The following ERC1 variants were observed in gnomAD, a reference collection of about 807,000 sequenced individuals.
ERC1 encodes the protein ELKS/RAB6-interacting/CAST family member 1.
In ERC1, 56 loss-of-function variants were observed where a neutral mutation model predicts 132.0. The observed-to-expected ratio is 0.42, with a 90% CI of 0.34 to 0.53. The LOEUF is 0.53. Ranked by LOEUF, ERC1 falls within the 20% of genes least tolerant of loss-of-function variation. The pLI is 0.03. For synonymous variants in ERC1, 478 were observed against 476.1 expected, an observed-to-expected ratio of 1.00 and a Z score of -0.05; for missense variants, 1,202 against 1,349.9, an observed-to-expected ratio of 0.89 and a Z score of 1.72.
chr12:1,196,695 A>G (rs1305837368), intron 12 of ERC1, among the ~76,000 whole-genome samples: 2 of 150,196 alleles, frequency 1.3e-5, no homozygotes, highest in South Asian at 2.1e-4. Context: ...GTGCCTCACT[A>G]TGCTGTCTAG....
chr12:995,899 T>G (rs1340800013), intron 1 of ERC1, among the ~76,000 whole-genome samples: 1 of 151,940 alleles, frequency 6.6e-6, no homozygotes, highest in East Asian at 1.9e-4. Context: ...ATTCTAGAAG[T>G]GAAGGAAAGG....
At chr12:1,027,281 C>G (rs1486205073) in intron 1 of ERC1, 1 of 152,172 alleles carries the variant, frequency 6.6e-6, no homozygotes, top group Non-Finnish European at 1.5e-5. Context: ...ATTCTAATAA[C>G]TTGTCAGTTG....
chr12:1,451,777 C>T (rs959242049), intron 18 of ERC1, among the ~76,000 whole-genome samples: 18 of 152,104 alleles, frequency 1.2e-4, no homozygotes, highest in African/African-American at 4.1e-4. Context: ...TTGTGTCCCC[C>T]CTCCCAAAAT....
intron 13 of ERC1, among the ~76,000 whole-genome samples, chr12:1,247,926 GT>G (rs1232342504): frequency 6.6e-6 from 1 of 152,194 alleles, no homozygotes; most frequent in Non-Finnish European, 1.5e-5. Flanking sequence ...AACCTGGGAG[GT>G]GGAGGTTGCG....
At chr12:1,301,827 AAAAG>A (rs1268915430) in intron 15 of ERC1, among the ~76,000 whole-genome samples, 2 of 152,320 alleles carry the variant, frequency 1.3e-5, no homozygotes, top group Admixed American at 6.5e-5. Context: ...AAAATTAAGA[AAAAG>A]AAAGAAAAAG....
At position 1,108,864 on chromosome 12, in the gene ERC1, C is replaced by T. The variant is rs1018243862; in HGVS notation, c.1162-1328C>T. 2.4e-4 allele frequency among the ~76,000 whole-genome samples: 36 copies of T among 152,258 alleles called. No homozygotes were observed. The Middle Eastern group carries it at 0.01, about 43-fold the overall frequency. ...ACATCCTCTCCTCCCCTCCCTTGAA[C>T]CTGAAAATAGCTAGGTGTAGTTTTC... On this transcript the variant is annotated intron_variant, in intron 4 of 18. Coordinates refer to ENST00000360905, the MANE Select transcript of ERC1 (RefSeq NM_178040.4).
Position 1,184,639 on chromosome 12 carries a change from T to C in ERC1, c.2157+1218T>C, listed in dbSNP as rs147719909. Among the ~76,000 whole-genome samples the C allele has an allele frequency of 7.3e-3, 1,108 of 152,358 alleles. 19 individuals are homozygous for C. The highest frequency in any genetic ancestry group is 0.025 in the African/African-American group (1,022 of 41,576). ...TTGACCTATTTATAGCTTAAGAATG[T>C]ATATCCTGTATCTGAATATTGGCAT... On this transcript the variant is annotated intron_variant, in intron 11 of 18. Transcript: ENST00000360905.
intron 13 of ERC1, 51 bp from the exon 14 acceptor site, chr12:1,262,983 C>T (rs1402950813): frequency 6.3e-7 from 1 of 1,596,590 alleles, no homozygotes; most frequent in East Asian, 2.2e-5. Context: ...AATAGGCTCT[C>T]CCTGGGTTAA....
intron 8 of ERC1, among the ~76,000 whole-genome samples, chr12:1,144,261 T>A (rs1950124875): frequency 6.6e-6 from 1 of 152,216 alleles, no homozygotes; most frequent in Non-Finnish European, 1.5e-5. Context: ...TTTTATTATT[T>A]TTTGTTTCAG....
At chr12:1,097,011 C>T (rs1415316462) in intron 3 of ERC1, among the ~76,000 whole-genome samples, 1 of 152,218 alleles carries the variant, frequency 6.6e-6, no homozygotes, top group African/African-American at 2.4e-5. Context: ...TAGGTATCAT[C>T]CCTAAGAATT....
At chr12:1,029,830 C>T (rs1370928606) in intron 2 of ERC1, among the ~76,000 whole-genome samples, 2 of 150,860 alleles carry the variant, frequency 1.3e-5, no homozygotes, top group Non-Finnish European at 2.9e-5. Flanking sequence ...TCGCTGCAAC[C>T]TCCACCTCCC....
upstream of ERC1, chr12:991,100 T>G (rs1359824343): frequency 2.0e-5 from 3 of 150,350 alleles, no homozygotes; most frequent in African/African-American, 7.3e-5. Flanking sequence ...CGCGTCACGC[T>G]CCCGGGAGGC....
intron 13 of ERC1, among the ~76,000 whole-genome samples, chr12:1,240,985 A>G (rs2075751454): frequency 6.6e-6 from 1 of 152,066 alleles, no homozygotes; most frequent in African/African-American, 2.4e-5. Flanking sequence ...TTTTCTGGAC[A>G]TTTCTTAATT....
intron 16 of ERC1, among the ~76,000 whole-genome samples, chr12:1,373,081 A>G (rs1297787563): frequency 1.3e-5 from 2 of 152,236 alleles, no homozygotes; most frequent in East Asian, 3.8e-4. Flanking sequence ...CTTATTCACA[A>G]GTGAAATAAA....
rs538176561 is a variant in ERC1 at position 1,394,176 on chromosome 12, A to G, written c.2926-13973A>G. On this transcript the variant is annotated intron_variant, in intron 16 of 18. Coordinates refer to ENST00000360905, the MANE Select transcript of ERC1 (RefSeq NM_178040.4). ...AGCACTTTGGGAGGCCAAGGCGGGC[A>G]GATCACGAGGTCAGGAGATCGAGAC... Among the ~76,000 whole-genome samples, 808 of 151,912 alleles carry G rather than the reference A, an allele frequency of 5.3e-3. 4 individuals are homozygous for G. The highest frequency in any genetic ancestry group is 6.7e-3 in the Non-Finnish European group (458 of 67,936).
In ERC1 at chr12:1,144,614, G is replaced by GTATATATATATATA. The variant is rs142846830; in HGVS notation, c.1737+2834_1737+2847dup. On this transcript the variant is annotated intron_variant, in intron 8 of 18. Transcript: ENST00000360905. The stretch of plus-strand genomic sequence containing the variant: ...TTTTATGGCTGAGTAGAATTTTGTG[G>GTATATATATATATA]TATATATATATATATATATACGTGT... 5.9e-3 allele frequency among the ~76,000 whole-genome samples: 777 copies of GTATATATATATATA among 132,164 alleles called. 19 individuals are homozygous for GTATATATATATATA. Among genetic ancestry groups the GTATATATATATATA allele is most frequent in the African/African-American group, 0.023 (727 of 31,886 alleles). The allele number at this position is 132,164 out of a possible 152,430, so 86.7% of individuals were successfully genotyped here.
chr12:1,249,716 C>T (rs2076359190), intron 13 of ERC1, among the ~76,000 whole-genome samples: 6 of 152,192 alleles, frequency 3.9e-5, no homozygotes, highest in Admixed American at 3.9e-4. Context: ...TAGCGAAATA[C>T]TGTAAACTGG....
intron 18 of ERC1, among the ~76,000 whole-genome samples, chr12:1,463,184 C>G (rs1012909494): frequency 6.6e-6 from 1 of 152,178 alleles, no homozygotes; most frequent in Non-Finnish European, 1.5e-5. Context: ...TTGCACCCCT[C>G]TTTTTCCAAG....
At chr12:1,077,795 A>G (rs777022793) in intron 2 of ERC1, among the ~76,000 whole-genome samples, 1 of 152,168 alleles carries the variant, frequency 6.6e-6, no homozygotes, top group South Asian at 2.1e-4. Context: ...TATCTTCTGT[A>G]TGAATATGCT....
Sources: allele counts gnomAD v4.1 joint callset (sites outside exome capture counted in the v4.1 genomes callset), GRCh38; gene constraint gnomAD v4.1.1; transcripts MANE v1.5; gene names NCBI Gene and HGNC (gene_info 2026-07-23, HGNC 2026-07-21).